PDK1: variants seen among roughly 807,000 people sequenced by gnomAD.
PDK1 encodes [Pyruvate dehydrogenase (acetyl-transferring)] kinase isozyme 1, mitochondrial.
A neutral mutation model predicts 54.2 loss-of-function variants in PDK1; 39 were observed. That is an observed-to-expected ratio of 0.72 (90% CI 0.56 to 0.94). The LOEUF (loss-of-function observed/expected upper bound fraction) is 0.94. Among genes scored for constraint, PDK1 ranks in the 40% least tolerant of loss-of-function variants. PDK1 has a pLI of 0.00. For missense variants in PDK1, 552 were observed against 566.0 expected (o/e 0.98, Z 0.25); for synonymous variants, 221 against 207.1 (o/e 1.07, Z -0.58).
At chr2:172,583,913 T>G (rs1457667269) in intron 8 of PDK1, among the ~76,000 whole-genome samples, 3 of 152,132 alleles carry the variant, frequency 2.0e-5, no homozygotes, top group Non-Finnish European at 2.9e-5. Context: ...GGCAGTAAAA[T>G]CAATTCAGAT....
chr2:172,630,954 T>A, the PDK1 span, among the ~76,000 whole-genome samples: 22 of 152,316 alleles, frequency 1.4e-4, no homozygotes, highest in Non-Finnish European at 2.5e-4. Flanking sequence ...CCTTAAGAAG[T>A]CCTTCTCCAT....
chr2:172,560,308 G>A (rs1266123975), intron 2 of PDK1, among the ~76,000 whole-genome samples: 1 of 152,190 alleles, frequency 6.6e-6, no homozygotes, highest in East Asian at 1.9e-4. Context: ...TGGGACCACA[G>A]CCATGCGCCA....
chr2:172,560,328 A>G (rs1688588354), intron 2 of PDK1, among the ~76,000 whole-genome samples: 1 of 151,986 alleles, frequency 6.6e-6, no homozygotes, highest in African/African-American at 2.4e-5. Context: ...ACCATACCTG[A>G]CCAATTCTTT....
intron 7 of PDK1, among the ~76,000 whole-genome samples, chr2:172,569,563 AAG>A (rs1689135970): frequency 6.6e-6 from 1 of 152,148 alleles, no homozygotes; most frequent in African/African-American, 2.4e-5. Flanking sequence ...AACTAGAGGA[AAG>A]AGGGGGTGGC....
the PDK1 span, among the ~76,000 whole-genome samples, chr2:172,714,365 A>G: frequency 6.6e-6 from 1 of 152,154 alleles, no homozygotes; most frequent in Admixed American, 6.5e-5. Context: ...GAAAATTTAC[A>G]TTGTTCCTGT....
At chr2:172,650,372 C>T in the PDK1 span, among the ~76,000 whole-genome samples, 1 of 152,132 alleles carries the variant, frequency 6.6e-6, no homozygotes, top group Non-Finnish European at 1.5e-5. Flanking sequence ...CCAGCCACTG[C>T]AAAAACATGC....
the PDK1 span, among the ~76,000 whole-genome samples, chr2:172,686,981 T>C: frequency 6.6e-6 from 1 of 152,186 alleles, no homozygotes; most frequent in Admixed American, 6.5e-5. Flanking sequence ...GAGAATAACA[T>C]ATGCACTACT....
chr2:172,626,779 A>C, the PDK1 span, among the ~76,000 whole-genome samples: 1 of 152,088 alleles, frequency 6.6e-6, no homozygotes, highest in African/African-American at 2.4e-5. Context: ...AAAAGAAAAG[A>C]AATTAATGTC....
the PDK1 span, among the ~76,000 whole-genome samples, chr2:172,706,840 G>T: frequency 2.0e-5 from 3 of 152,160 alleles, no homozygotes; most frequent in Non-Finnish European, 2.9e-5. Context: ...AGGTGGGGAG[G>T]AAAGCCACTC....
chr2:172,621,894 GTATGATATATGTTTATATCTCCTA>G, the PDK1 span, among the ~76,000 whole-genome samples: 47 of 109,510 alleles, frequency 4.3e-4, no homozygotes, highest in Admixed American at 6.1e-4. Flanking sequence ...TATCTCATAT[GTATGATATATGTTTATATCTCCTA>G]TATGATATAT....
chr2:172,560,049 T>C (rs1383988403), intron 2 of PDK1, among the ~76,000 whole-genome samples: 1 of 152,244 alleles, frequency 6.6e-6, no homozygotes, highest in Admixed American at 6.5e-5. Flanking sequence ...TTTTCCATGT[T>C]GCCTACGCTG....
At chr2:172,713,336 G>A in the PDK1 span, among the ~76,000 whole-genome samples, 1 of 152,188 alleles carries the variant, frequency 6.6e-6, no homozygotes, top group African/African-American at 2.4e-5. Context: ...CTGGCAGCCT[G>A]GTCCCCAGGC....
intron 3 of PDK1, chr2:172,564,157 G>A: frequency 2.1e-6 from 1 of 479,494 alleles, no homozygotes; most frequent in South Asian, 1.6e-5. Context: ...CTCCTATGCA[G>A]AATGTCTCTG....
chr2:172,704,078 T>C, the PDK1 span, among the ~76,000 whole-genome samples: 1 of 152,238 alleles, frequency 6.6e-6, no homozygotes, highest in South Asian at 2.1e-4. Context: ...CCGGCCTACT[T>C]TTTCTCTTGT....
chr2:172,562,833 A>C, intron 3 of PDK1: 2 of 1,605,414 alleles, frequency 1.2e-6, no homozygotes, highest in Non-Finnish European at 8.5e-7. Flanking sequence ...TAACCCATAT[A>C]CCAGAATTGG....
In PDK1 at chr2:172,600,609, C is replaced by G. The variant is rs1387789360; in HGVS notation, c.*4640C>G. The G allele has an allele frequency of 6.6e-6, 1 of 152,150 alleles. No homozygotes were observed. Among genetic ancestry groups the G allele is most frequent in the Non-Finnish European group, 1.5e-5 (1 of 68,036 alleles). 9.4% of individuals were successfully genotyped at this position (152,150 alleles called of 1,614,324 possible). A position where few individuals can be genotyped will look rare whatever the true frequency, so the allele number is the denominator to read the frequency against. On this transcript the variant is annotated 3_prime_UTR_variant, in exon 11 of 11. Transcript: ENST00000282077. ...CAGGAGTTTAATAGGCAAAAGGAAA[C>G]AGCTCTGTTACAGAGAGGGGTTCCG...
chr2:172,621,436 T>G, the PDK1 span, among the ~76,000 whole-genome samples: 1 of 151,884 alleles, frequency 6.6e-6, no homozygotes, highest in African/African-American at 2.4e-5. Context: ...TCTTCAGTTT[T>G]GGGACTTGGA....
the PDK1 span, among the ~76,000 whole-genome samples, chr2:172,645,999 C>T: frequency 6.6e-6 from 1 of 152,196 alleles, no homozygotes; most frequent in African/African-American, 2.4e-5. Context: ...TCTATATTTT[C>T]TTCTCTTTAT....
intron 1 of PDK1, 69 bp downstream of exon 1, chr2:172,556,415 G>A (rs887486475): frequency 9.2e-6 from 11 of 1,201,586 alleles, no homozygotes; most frequent in Non-Finnish European, 1.2e-5. Flanking sequence ...CGCTGCCCCA[G>A]GCCGGGTCGG....
Sources: allele counts gnomAD v4.1 joint callset (sites outside exome capture counted in the v4.1 genomes callset), GRCh38; gene constraint gnomAD v4.1.1; transcripts MANE v1.5; gene names NCBI Gene and HGNC (gene_info 2026-07-23, HGNC 2026-07-21).